PPARGC1A: variants seen among roughly 807,000 people sequenced by gnomAD.
PPARGC1A encodes the protein peroxisome proliferator-activated receptor gamma coactivator 1-alpha.
PPARGC1A carries 25 observed loss-of-function variants against 88.7 expected under a neutral mutation model. That is an observed-to-expected ratio of 0.28 (90% CI 0.21 to 0.39). The LOEUF (loss-of-function observed/expected upper bound fraction) is 0.39. PPARGC1A is among the 10% of genes least tolerant of loss of function. The probability of loss-of-function intolerance (pLI) is 1.00; values close to 1 mark genes in which losing one functional copy is unlikely to be tolerated. For synonymous variants in PPARGC1A, 363 were observed against 355.6 expected, an observed-to-expected ratio of 1.02 and a Z score of -0.24; for missense variants, 880 against 968.7, an observed-to-expected ratio of 0.91 and a Z score of 1.22.
chr4:23,880,484 T>C (rs1715703574), intron 2 of PPARGC1A, among the ~76,000 whole-genome samples: 1 of 152,208 alleles, frequency 6.6e-6, no homozygotes, highest in Non-Finnish European at 1.5e-5. Context: ...GACAGGCAGA[T>C]TCCCTACTCC....
intron 1 of PPARGC1A, chr4:23,889,268 G>A (rs1325193113): frequency 1.0e-6 from 1 of 985,244 alleles, no homozygotes; most frequent in Non-Finnish European, 1.2e-6. Flanking sequence ...CGACGCGAAC[G>A]GAAAACCTTG....
chr4:24,076,605 G>A, the PPARGC1A span, among the ~76,000 whole-genome samples: 1 of 152,118 alleles, frequency 6.6e-6, no homozygotes, highest in Non-Finnish European at 1.5e-5. Flanking sequence ...AGCCTGGGGG[G>A]CTGGACAGCT....
the PPARGC1A span, among the ~76,000 whole-genome samples, chr4:24,273,760 C>G: frequency 2.4e-5 from 3 of 124,608 alleles, no homozygotes; most frequent in Non-Finnish European, 4.9e-5. Context: ...GACAGAGTTT[C>G]ACTCTTGTTG....
At chr4:23,840,911 T>C (rs1400146231) in intron 2 of PPARGC1A, among the ~76,000 whole-genome samples, 1 of 152,102 alleles carries the variant, frequency 6.6e-6, no homozygotes, top group Admixed American at 6.6e-5. Flanking sequence ...TCATTTCACA[T>C]ATACCAGCTG....
chr4:24,095,675 C>A, the PPARGC1A span, among the ~76,000 whole-genome samples: 3 of 152,078 alleles, frequency 2.0e-5, no homozygotes, highest in Non-Finnish European at 4.4e-5. Flanking sequence ...AACAGAATAC[C>A]TCAGTCTCAG....
chr4:24,109,046 A>T, the PPARGC1A span, among the ~76,000 whole-genome samples: 1 of 147,624 alleles, frequency 6.8e-6, no homozygotes, highest in East Asian at 2.0e-4. Context: ...CCACACACAC[A>T]CACACACACA....
At chr4:23,946,967 C>T in the PPARGC1A span, among the ~76,000 whole-genome samples, 3 of 152,084 alleles carry the variant, frequency 2.0e-5, no homozygotes, top group Non-Finnish European at 2.9e-5. Context: ...CCCAATCATG[C>T]ACTATCTGCC....
chr4:24,270,327 C>G, the PPARGC1A span, among the ~76,000 whole-genome samples: 7,615 of 70,032 alleles, frequency 0.11, 348 homozygotes, highest in African/African-American at 0.22. Context: ...CTCTCTCTCT[C>G]TCTCTCTGTG....
At chr4:24,064,266 C>A in the PPARGC1A span, among the ~76,000 whole-genome samples, 1 of 152,092 alleles carries the variant, frequency 6.6e-6, no homozygotes, top group Non-Finnish European at 1.5e-5. Flanking sequence ...GGGCTGGTGA[C>A]AATGCGATAC....
the PPARGC1A span, among the ~76,000 whole-genome samples, chr4:24,077,545 G>GC: frequency 7.0e-6 from 1 of 143,874 alleles, no homozygotes; most frequent in African/African-American, 2.6e-5. Flanking sequence ...CATAGGAACT[G>GC]TTTTTTTTTT....
chr4:24,465,199 C>G, the PPARGC1A span, among the ~76,000 whole-genome samples: 2 of 152,234 alleles, frequency 1.3e-5, no homozygotes, highest in East Asian at 3.9e-4. Context: ...ATAGTCAACC[C>G]TTATTAACAC....
At chr4:24,074,804 C>A in the PPARGC1A span, among the ~76,000 whole-genome samples, 3 of 152,084 alleles carry the variant, frequency 2.0e-5, no homozygotes, top group Non-Finnish European at 4.4e-5. Flanking sequence ...TTCCCTACAC[C>A]CTAACTCTGC....
the PPARGC1A span, among the ~76,000 whole-genome samples, chr4:24,289,478 C>T: frequency 9.2e-5 from 14 of 152,210 alleles, no homozygotes; most frequent in Non-Finnish European, 1.8e-4. Flanking sequence ...ACATCTCATT[C>T]TCTCCTCGAC....
chr4:23,815,040 C>T (rs1401792804), intron 7 of PPARGC1A, among the ~76,000 whole-genome samples: 1 of 150,452 alleles, frequency 6.6e-6, no homozygotes, highest in Non-Finnish European at 1.5e-5. Context: ...CTGCAAAGAA[C>T]ATTGCAGAGG....
chr4:23,814,476 G>C lies in PPARGC1A; in HGVS notation c.1007C>G (p.Ser336Cys), dbSNP rs773788017. Residue 336 changes from serine to cysteine, a missense_variant, in exon 8 of 13, where the codon TCT becomes TGT. Transcript: ENST00000264867. The part of the protein sequence containing the change: ...PPSKKPRYSE[S>C]SGTQGNNSTK... ...GGAGTTATTGCCTTGTGTACCAGAA[G>C]ACTCACTGTACCTGGGCTTCTTTGA... 4 of 1,613,592 alleles carry C rather than the reference G, an allele frequency of 2.5e-6. No homozygotes were observed. The African/African-American group carries it at 5.3e-5, about 22-fold the overall frequency.
the PPARGC1A span, among the ~76,000 whole-genome samples, chr4:24,273,725 C>CT: frequency 7.5e-3 from 761 of 100,950 alleles, 9 homozygotes; most frequent in African/African-American, 0.022. Flanking sequence ...CCTTGGGGCA[C>CT]TTTTTTTTTT....
the PPARGC1A span, among the ~76,000 whole-genome samples, chr4:24,448,727 C>A: frequency 6.6e-6 from 1 of 152,156 alleles, no homozygotes; most frequent in Non-Finnish European, 1.5e-5. Context: ...TCCAGGGAGA[C>A]CTCCTGTGAC....
the PPARGC1A span, among the ~76,000 whole-genome samples, chr4:23,935,847 G>A: frequency 6.6e-6 from 1 of 151,696 alleles, no homozygotes; most frequent in East Asian, 1.9e-4. Context: ...CCTAACTGAA[G>A]CCCTTGTATA....
At chr4:23,879,775 G>A (rs1260316176) in intron 2 of PPARGC1A, among the ~76,000 whole-genome samples, 1 of 152,072 alleles carries the variant, frequency 6.6e-6, no homozygotes, top group Non-Finnish European at 1.5e-5. Context: ...CCTCCATTAT[G>A]TTGATCTGCT....
Sources: gnomAD v4.1 joint callset for allele counts (sites outside exome capture counted in the v4.1 genomes callset) on GRCh38, gnomAD v4.1.1 for gene constraint, MANE v1.5 for transcripts, NCBI Gene and HGNC (gene_info 2026-07-23, HGNC 2026-07-21) for gene names.